Variants in SLC4A4 observed in about 807,000 individuals in gnomAD.
SLC4A4 encodes solute carrier family 4 member 4.
In SLC4A4, 27 loss-of-function variants were observed where a neutral mutation model predicts 111.5. The ratio of observed to expected loss-of-function variants is 0.24; its 90% CI spans 0.18 to 0.33. The LOEUF is 0.33. Ranked by LOEUF, SLC4A4 falls within the 10% of genes least tolerant of loss-of-function variation. The pLI, the probability that SLC4A4 is intolerant of heterozygous loss-of-function variation, is 1.00. For synonymous variants in SLC4A4, 443 were observed against 463.4 expected, an observed-to-expected ratio of 0.96 and a Z score of 0.57; for missense variants, 909 against 1,315.5, an observed-to-expected ratio of 0.69 and a Z score of 4.78.
intron 7 of SLC4A4, among the ~76,000 whole-genome samples, chr4:71,408,437 TG>T (rs1721070050): frequency 6.6e-6 from 1 of 152,238 alleles, no homozygotes; most frequent in African/African-American, 2.4e-5. Flanking sequence ...AATGGGCTAC[TG>T]CTTTTTTATT....
chr4:71,069,479 C>A (rs1163559461), intron 1 of SLC4A4, among the ~76,000 whole-genome samples: 5 of 152,186 alleles, frequency 3.3e-5, no homozygotes, highest in Admixed American at 2.6e-4. Flanking sequence ...GCTGCACCAG[C>A]TTTGGTCCAC....
At chr4:71,540,134 G>A (rs1734909701) in intron 18 of SLC4A4, among the ~76,000 whole-genome samples, 2 of 152,250 alleles carry the variant, frequency 1.3e-5, no homozygotes, top group South Asian at 4.1e-4. Context: ...TCAATTCTGA[G>A]CCCCTTGGTG....
chr4:71,431,333 GAGA>G (rs1420069667), intron 7 of SLC4A4, among the ~76,000 whole-genome samples: 1 of 152,058 alleles, frequency 6.6e-6, no homozygotes, highest in Non-Finnish European at 1.5e-5. Context: ...CCTCTCTGAT[GAGA>G]AGGTCACTTA....
At chr4:71,443,715 G>T (rs1186029076) in intron 8 of SLC4A4, among the ~76,000 whole-genome samples, 1 of 152,238 alleles carries the variant, frequency 6.6e-6, no homozygotes, top group East Asian at 1.9e-4. Context: ...AAGGTAATTG[G>T]TTATTAAGTA....
At chr4:71,196,835 A>AG (rs1746028514) in intron 1 of SLC4A4, among the ~76,000 whole-genome samples, 1 of 44,768 alleles carries the variant, frequency 2.2e-5, no homozygotes, top group African/African-American at 2.5e-4. Context: ...CTCTGTCTCC[A>AG]AAAAAAAAAA....
intron 2 of SLC4A4, among the ~76,000 whole-genome samples, chr4:71,124,888 T>G (rs1743521798): frequency 6.6e-6 from 1 of 152,240 alleles, no homozygotes; most frequent in African/African-American, 2.4e-5. Flanking sequence ...TAATTATATA[T>G]GTGTTTAACT....
intron 1 of SLC4A4, among the ~76,000 whole-genome samples, chr4:71,232,005 TG>T (rs1719463695): frequency 6.6e-6 from 1 of 152,210 alleles, no homozygotes. Context: ...TCCTGTATTT[TG>T]TGCAGAAGCC....
At chr4:71,471,384 G>A (rs1206240782) in intron 13 of SLC4A4, among the ~76,000 whole-genome samples, 6 of 151,940 alleles carry the variant, frequency 3.9e-5, no homozygotes, top group Non-Finnish European at 8.8e-5. Flanking sequence ...TTTGAGTGAG[G>A]CGAGTATAGA....
intron 13 of SLC4A4, among the ~76,000 whole-genome samples, chr4:71,467,845 G>C (rs143404704): frequency 9.2e-5 from 14 of 152,084 alleles, no homozygotes; most frequent in African/African-American, 3.1e-4. Flanking sequence ...TAGGTAGATT[G>C]AAGAATGTCT....
intron 11 of SLC4A4, among the ~76,000 whole-genome samples, 190 bp from the exon 12 acceptor site, chr4:71,453,293 AATTTGGTGACCC>A (rs777121215): frequency 6.6e-6 from 1 of 152,174 alleles, no homozygotes; most frequent in African/African-American, 2.4e-5. Context: ...TGTGACACCT[AATTTGGTGACCC>A]AAAAAGAAAG....
chr4:71,405,961 A>G (rs1440564340), intron 7 of SLC4A4, among the ~76,000 whole-genome samples: 1 of 109,032 alleles, frequency 9.2e-6, no homozygotes. Context: ...ACTTGCTTTG[A>G]CTGAAGATGT....
chr4:71,259,420 G>T (rs766704844), intron 3 of SLC4A4, among the ~76,000 whole-genome samples: 29 of 152,118 alleles, frequency 1.9e-4, no homozygotes, highest in Non-Finnish European at 3.1e-4. Context: ...CCAGTGTGGC[G>T]TCAGAGCTGG....
intron 6 of SLC4A4, among the ~76,000 whole-genome samples, chr4:71,360,585 G>C (rs1449108215): frequency 2.0e-5 from 3 of 151,870 alleles, no homozygotes; most frequent in African/African-American, 7.3e-5. Flanking sequence ...TTGTCTTATT[G>C]GTTAACATAC....
chr4:71,300,121 C>G (rs1425809692), intron 3 of SLC4A4: 1 of 158,952 alleles, frequency 6.3e-6, no homozygotes, highest in Non-Finnish European at 1.5e-5. Context: ...AACCTGACTC[C>G]TCTCACTTCT....
At chr4:71,188,139 G>A (rs1192406441) in intron 1 of SLC4A4, among the ~76,000 whole-genome samples, 1 of 152,146 alleles carries the variant, frequency 6.6e-6, no homozygotes, top group Non-Finnish European at 1.5e-5. Flanking sequence ...TTGCCAGTCC[G>A]TTAATAAGTC....
At chr4:71,106,925 A>AAAATAAATAAATAAATAAATAAATAAAT (rs759756657) in intron 2 of SLC4A4, among the ~76,000 whole-genome samples, 10 of 151,010 alleles carry the variant, frequency 6.6e-5, no homozygotes, top group African/African-American at 2.4e-4. Flanking sequence ...AAGTATAATA[A>AAAATAAATAAATAAATAAATAAATAAAT]AAATAAATAA....
At chr4:71,513,331 G>C (rs1732093805) in intron 16 of SLC4A4, among the ~76,000 whole-genome samples, 1 of 152,018 alleles carries the variant, frequency 6.6e-6, no homozygotes. Context: ...TTTCTTTCTA[G>C]AGATGTTTCA....
At chr4:71,271,990 A>G (rs934533764) in intron 3 of SLC4A4, among the ~76,000 whole-genome samples, 6 of 152,226 alleles carry the variant, frequency 3.9e-5, no homozygotes, top group South Asian at 2.1e-4. Flanking sequence ...GTAGCTAGTA[A>G]GGAGTAAGCC....
At chr4:71,183,580 A>T (rs138065235), upstream of SLC4A4, among the ~76,000 whole-genome samples, 19 of 152,312 alleles carry the variant, frequency 1.2e-4, 1 homozygote, top group African/African-American at 4.6e-4. Context: ...TTATCTATCG[A>T]TCTATATCTA....
Sources: gnomAD v4.1 joint callset for allele counts (sites outside exome capture counted in the v4.1 genomes callset) on GRCh38, gnomAD v4.1.1 for gene constraint, MANE v1.5 for transcripts, NCBI Gene and HGNC (gene_info 2026-07-23, HGNC 2026-07-21) for gene names.